MGAT5B: variants seen among roughly 807,000 people sequenced by gnomAD.
MGAT5B encodes alpha-1,6-mannosylglycoprotein 6-beta-N-acetylglucosaminyltransferase B.
In MGAT5B, 54 loss-of-function variants were observed where a neutral mutation model predicts 95.1. That is an observed-to-expected ratio of 0.57 (90% CI 0.46 to 0.71). The LOEUF is 0.71. Ranked by LOEUF, MGAT5B falls within the 30% of genes least tolerant of loss-of-function variation. The pLI, the probability that MGAT5B is intolerant of heterozygous loss-of-function variation, is 0.00. For synonymous variants in MGAT5B, 464 were observed against 451.0 expected (o/e 1.03, Z -0.36); for missense variants, 935 against 1,088.6 (o/e 0.86, Z 1.99).
chr17:76,875,617 G>A (rs1433763503), intron 2 of MGAT5B, among the ~76,000 whole-genome samples: 1 of 143,936 alleles, frequency 6.9e-6, no homozygotes, highest in Non-Finnish European at 1.5e-5. Context: ...ACATGTGTGA[G>A]ACTCACTATC....
In MGAT5B at chr17:76,916,403, G is replaced by A. The variant is rs11870350; in HGVS notation, c.1026-8563G>A. On this transcript the variant is annotated intron_variant, in intron 8 of 17. Transcript: ENST00000569840. The surrounding 1 kb of genome is among the most constrained non-coding windows in gnomAD (Gnocchi z 5.3). Reference sequence around the variant, plus strand: ...CAGCTCTGGCCTGGCCTGTGTTGGGGAGGGCTGCAAGGGAAGACTCATGGA... The same window carrying A: ...CAGCTCTGGCCTGGCCTGTGTTGGGAAGGGCTGCAAGGGAAGACTCATGGA... Among the ~76,000 whole-genome samples, 12,289 of 152,334 alleles carry A rather than the reference G, an allele frequency of 0.081. 639 individuals are homozygous for A. Among genetic ancestry groups the A allele is most frequent in the African/African-American group, 0.14 (6,009 of 41,576 alleles).
intron 8 of MGAT5B, chr17:76,913,769 C>G (rs767371271): frequency 6.3e-6 from 3 of 478,684 alleles, no homozygotes; most frequent in Non-Finnish European, 1.3e-5. Context: ...CAACACATTG[C>G]TCATTGAAAA....
chr17:76,886,816 G>A (rs1967646726), intron 3 of MGAT5B, among the ~76,000 whole-genome samples: 1 of 152,164 alleles, frequency 6.6e-6, no homozygotes, highest in South Asian at 2.1e-4. Context: ...GGCCGAGGTG[G>A]TCGGATCACT....
intron 8 of MGAT5B, chr17:76,913,775 G>T: frequency 2.1e-6 from 1 of 473,336 alleles, no homozygotes; most frequent in Non-Finnish European, 4.2e-6. Context: ...ATTGCTCATT[G>T]AAAAGCCAAG....
chr17:76,895,709 C>A (rs1029052776), intron 3 of MGAT5B, among the ~76,000 whole-genome samples: 2 of 152,024 alleles, frequency 1.3e-5, no homozygotes, highest in African/African-American at 4.8e-5. Context: ...TCCAGTATGA[C>A]CTCATATAAT....
Position 76,948,828 on chromosome 17 carries a change from G to A in MGAT5B, c.2369G>A (p.Gly790Asp). The A allele has an allele frequency of 6.3e-7, 1 of 1,598,000 alleles. No individual in the cohort carries two copies. Among genetic ancestry groups the A allele is most frequent in the Non-Finnish European group, 8.5e-7 (1 of 1,173,582 alleles). Residue 790 changes from glycine to aspartate, a missense_variant, in exon 18 of 18, where the codon GGC (glycine) becomes GAC (aspartate). Transcript: ENST00000569840. Reference sequence around the variant, plus strand: ...AAGGGCCAGGTGGCCTTGTGCCAGGGCTGTCTGTGAATCCGCCTCTGCCGC... The same window carrying A: ...AAGGGCCAGGTGGCCTTGTGCCAGGACTGTCTGTGAATCCGCCTCTGCCGC... Reference protein sequence around the residue: ...FRKGQVALCQGCL With the variant: ...FRKGQVALCQDCL
chr17:76,938,018 A>G lies in MGAT5B; in HGVS notation c.1459A>G (p.Lys487Glu), dbSNP rs779216612. 1.5e-5 allele frequency: 25 copies of G among 1,614,176 alleles called. No homozygotes were observed. The highest frequency in any genetic ancestry group is 1.8e-5 in the Non-Finnish European group (21 of 1,179,974). ...GKEKFLGILN[K>E]YMEIHGTVYY... The stretch of plus-strand genomic sequence containing the variant: ...GGAGAAGTTCCTGGGCATCCTGAAC[A>G]AATACATGGAGATCCATGGCACCGT... The change falls in exon 13 of 18, where the codon AAA becomes GAA. Residue 487 changes from lysine (K) to glutamate (E), a missense_variant. Physicochemically the swap from Lys to Glu is moderately conservative, Grantham distance 56. Coordinates refer to ENST00000569840, the MANE Select transcript of MGAT5B (RefSeq NM_001199172.2). The surrounding 1 kb of genome is among the most constrained non-coding windows in gnomAD (Gnocchi z 4.3).
rs761057376 is a variant in MGAT5B, at chr17:76,869,046, C to G, written c.17C>G (p.Pro6Arg). The G allele has an allele frequency of 6.2e-7, 1 of 1,614,086 alleles. No homozygotes were observed. The highest frequency in any genetic ancestry group is 1.7e-5 in the Admixed American group (1 of 60,022). The change falls in exon 1 of 18, where the codon CCC becomes CGC. Residue 6 changes from proline to arginine, a missense_variant. Transcript: ENST00000569840. This position sits in a 1 kb window ranked among gnomAD's most constrained non-coding sequence, Gnocchi z 7.0. MITVN[P>R]DGKIMVRRCL... ...GTTTGAACAATGATCACCGTCAACC[C>G]CGATGGGAAGATAATGGTCAGAAGA...
chr17:76,948,028 G>T lies in MGAT5B; in HGVS notation c.2122G>T (p.Gly708Trp). Residue 708 changes from glycine to tryptophan, a missense_variant, in exon 17 of 18, where the codon GGG (glycine) becomes TGG (tryptophan). Physicochemically the swap from Gly to Trp is radical, Grantham distance 184. Around this residue, in one of 4 missense-constraint regions of MGAT5B, gnomAD observed 440 missense variants for 523.6 expected, o/e 0.84. Coordinates refer to ENST00000569840, the MANE Select transcript of MGAT5B (RefSeq NM_001199172.2). ...CTGCACCGACACCTGCCTGGACCAC[G>T]GGCTAATCTGTGAGCCCTCCTTCTT... ...RACTDTCLDHGLICEPSFFPF... is the reference protein window; with the variant it reads ...RACTDTCLDHWLICEPSFFPF... 6.2e-7 allele frequency: 1 copy of T among 1,613,022 alleles called. No homozygotes were observed.
At chr17:76,911,078 C>G (rs1297098712) in intron 8 of MGAT5B, among the ~76,000 whole-genome samples, 3 of 152,200 alleles carry the variant, frequency 2.0e-5, no homozygotes, top group Admixed American at 6.5e-5. Flanking sequence ...TGCAGCAAAA[C>G]CACCTGAAGC....
intron 17 of MGAT5B, among the ~76,000 whole-genome samples, 157 bp from the exon 18 acceptor site, chr17:76,948,483 A>C (rs575045326): frequency 6.6e-6 from 1 of 152,170 alleles, no homozygotes; most frequent in Non-Finnish European, 1.5e-5. Context: ...AGCAGGTGGG[A>C]TAAAGGAGCC....
In MGAT5B at chr17:76,889,556, C is replaced by G. The variant is rs549739301; in HGVS notation, c.329+7258C>G. On this transcript the variant is annotated intron_variant, in intron 3 of 17. Coordinates refer to ENST00000569840, the MANE Select transcript of MGAT5B (RefSeq NM_001199172.2). The surrounding 1 kb of genome is among the most constrained non-coding windows in gnomAD (Gnocchi z 4.4). ...GGGGCCTCTTTCAGCCAGTGCCACC[C>G]CAGGGCAGCCGTCGGCCCCCAGGGG... Among the ~76,000 whole-genome samples, 1 of 152,330 alleles carries G rather than the reference C, an allele frequency of 6.6e-6. No homozygotes were observed. Among genetic ancestry groups the G allele is most frequent in the Non-Finnish European group, 1.5e-5 (1 of 68,030 alleles).
chr17:76,872,664 G>C, intron 1 of MGAT5B, 187 bp from the exon 2 acceptor site: 1 of 1,488,152 alleles, frequency 6.7e-7, no homozygotes. Flanking sequence ...TCTTGTAGTT[G>C]AGCTCTCTTT....
chr17:76,938,201 C>T lies in MGAT5B; in HGVS notation c.1584+58C>T, dbSNP rs1356552947. The T allele has an allele frequency of 6.3e-7, 1 of 1,588,948 alleles. No homozygotes were observed. Among genetic ancestry groups the T allele is most frequent in the Non-Finnish European group, 8.6e-7 (1 of 1,163,672 alleles). ...TTGCCGGCTGCAGACACTGAGGTCACCACCCATGCCTGCCACCACCACTCA... is the reference window on the plus strand; with the variant it reads ...TTGCCGGCTGCAGACACTGAGGTCATCACCCATGCCTGCCACCACCACTCA... On this transcript the variant is annotated intron_variant, in intron 13 of 17. Transcript: ENST00000569840. The surrounding 1 kb of genome is among the most constrained non-coding windows in gnomAD (Gnocchi z 4.3).
rs8070373 is a variant in MGAT5B, at chr17:76,886,042, G to A, written c.329+3744G>A. Among the ~76,000 whole-genome samples the A allele has an allele frequency of 5.6e-3, 858 of 152,352 alleles. 11 individuals carry two copies. Among genetic ancestry groups the A allele is most frequent in the African/African-American group, 0.02 (812 of 41,584 alleles). ...CATGGCTGGTGTTTCCTCAGGGAAA[G>A]TAAATTTGCAATTTTAGCCTAGGAA... is the stretch of plus-strand genomic sequence containing the variant. On this transcript the variant is annotated intron_variant, in intron 3 of 17. Transcript: ENST00000569840.
intron 3 of MGAT5B, among the ~76,000 whole-genome samples, chr17:76,894,780 G>A (rs1466249301): frequency 6.6e-6 from 1 of 151,380 alleles, no homozygotes; most frequent in Non-Finnish European, 1.5e-5. Context: ...TTGAACCCAG[G>A]AGGTGGAGAT....
intron 2 of MGAT5B, among the ~76,000 whole-genome samples, chr17:76,877,991 G>A (rs1292402703): frequency 6.6e-6 from 1 of 152,150 alleles, no homozygotes; most frequent in Non-Finnish European, 1.5e-5. Flanking sequence ...AAATATGGAG[G>A]GAACGTGTGC....
At chr17:76,931,692 A>G (rs1969480417) in intron 10 of MGAT5B, among the ~76,000 whole-genome samples, 1 of 152,124 alleles carries the variant, frequency 6.6e-6, no homozygotes, top group Admixed American at 6.6e-5. Context: ...GCCTAGATTC[A>G]AAACTGTCAT....
rs763421168 is a variant in MGAT5B at position 76,926,581 on chromosome 17, T to C, written c.1158-16T>C. On this transcript the variant is annotated splice_polypyrimidine_tract_variant and intron_variant, in intron 9 of 17. Transcript: ENST00000569840. ...GGAGGTTGCTGACCCTGGTTCCTGG[T>C]CCCCTGGGGGGGCAGGTGCCGAATC... The C allele has an allele frequency of 1.2e-5, 19 of 1,602,944 alleles. No individual in the cohort carries two copies. The highest frequency in any genetic ancestry group is 1.7e-4 in the Middle Eastern group (1 of 5,774).
Sources: gnomAD v4.1 joint callset for allele counts (sites outside exome capture counted in the v4.1 genomes callset) on GRCh38, gnomAD v4.1.1 for gene constraint, gnomAD v4.1.1 regional missense constraint, Gnocchi (gnomAD v3.1) non-coding constraint, MANE v1.5 for transcripts, NCBI Gene and HGNC (gene_info 2026-07-23, HGNC 2026-07-21) for gene names.